Variants in DHCR24 observed in about 807,000 individuals in gnomAD.
DHCR24 encodes delta(24)-sterol reductase.
Under a neutral mutation model 61.2 loss-of-function variants are expected in DHCR24, and 28 were observed. That is an observed-to-expected ratio of 0.46 (90% CI 0.34 to 0.63). DHCR24 has a LOEUF of 0.63. DHCR24 is among the 20% of genes least tolerant of loss of function. The probability of loss-of-function intolerance (pLI) is 0.01; values close to 1 mark genes in which losing one functional copy is unlikely to be tolerated. For synonymous variants in DHCR24, 261 were observed against 275.9 expected (o/e 0.95, Z 0.54); for missense variants, 538 against 679.1 (o/e 0.79, Z 2.31).
chr1:54,868,460 ACT>A (rs1220351686), intron 5 of DHCR24, among the ~76,000 whole-genome samples: 1 of 151,846 alleles, frequency 6.6e-6, no homozygotes, highest in Non-Finnish European at 1.5e-5. Flanking sequence ...ACAGAGCGAG[ACT>A]CTGTCTCAAA....
At chr1:54,866,879 G>A (rs1161003270) in intron 5 of DHCR24, among the ~76,000 whole-genome samples, 3 of 152,198 alleles carry the variant, frequency 2.0e-5, no homozygotes, top group South Asian at 2.1e-4. Context: ...AAACACTCAC[G>A]CTGGCCTCTG....
At position 54,849,840 on chromosome 1, in the gene DHCR24, C is replaced by G. The variant is rs1646864953; in HGVS notation, c.*2393G>C. The G allele has an allele frequency of 6.5e-6, 1 of 152,674 alleles. No individual in the cohort carries two copies. The highest frequency in any genetic ancestry group is 2.4e-5 in the African/African-American group (1 of 41,442). The allele number at this position is 152,674 out of a possible 1,614,324, so 9.5% of individuals were successfully genotyped here. On this transcript the variant is annotated 3_prime_UTR_variant, in exon 9 of 9. Coordinates refer to ENST00000371269, the MANE Select transcript of DHCR24 (RefSeq NM_014762.4). ...CTCCACCCCTCCCTTTCAGTAATAT[C>G]CAAGTATTCATCCTTCTGGCCAAAG...
intron 6 of DHCR24, among the ~76,000 whole-genome samples, chr1:54,864,366 G>T (rs184033035): frequency 2.0e-5 from 3 of 152,116 alleles, no homozygotes; most frequent in Admixed American, 2.0e-4. Flanking sequence ...CTACTATCCC[G>T]CCATAAAAAG....
chr1:54,875,611 GC>G (rs1647024191), intron 3 of DHCR24, among the ~76,000 whole-genome samples: 1 of 152,106 alleles, frequency 6.6e-6, no homozygotes, highest in South Asian at 2.1e-4. Context: ...AGAAGAAGAG[GC>G]TTTGGGGGCT....
intron 2 of DHCR24, among the ~76,000 whole-genome samples, chr1:54,876,279 AT>A (rs1647027962): frequency 1.3e-5 from 2 of 152,312 alleles, no homozygotes; most frequent in South Asian, 4.1e-4. Flanking sequence ...TATACTAAAT[AT>A]TTGACTTAAC....
At chr1:54,886,525 C>G (rs1415880848) in intron 1 of DHCR24, 2 of 1,132,672 alleles carry the variant, frequency 1.8e-6, no homozygotes, top group Admixed American at 2.3e-5. Flanking sequence ...ACACCTTCCC[C>G]CAATCATTTC....
At chr1:54,856,368 G>A (rs1017753837) in intron 6 of DHCR24, among the ~76,000 whole-genome samples, 1 of 152,182 alleles carries the variant, frequency 6.6e-6, no homozygotes, top group Non-Finnish European at 1.5e-5. Context: ...GAGGCTGAGC[G>A]GGCAGATCAC....
rs1285469131 is a variant in DHCR24 at position 54,883,806 on chromosome 1, C to T, written c.232-33G>A. 1.2e-6 allele frequency: 2 copies of T among 1,613,340 alleles called. No individual in the cohort carries two copies. Among genetic ancestry groups the T allele is most frequent in the Non-Finnish European group, 1.7e-6 (2 of 1,179,996 alleles). On this transcript the variant is annotated intron_variant, in intron 1 of 8. Transcript: ENST00000371269. This position sits in a 1 kb window ranked among gnomAD's most constrained non-coding sequence, Gnocchi z 4.3. The stretch of plus-strand genomic sequence containing the variant: ...CACAGGACAGAGGGTGAGCTGGCCC[C>T]ACTGGGAATCCCCAGAGCAGCCTGC...
chr1:54,881,288 C>G (rs1190465448), intron 2 of DHCR24, among the ~76,000 whole-genome samples: 1 of 152,058 alleles, frequency 6.6e-6, no homozygotes, highest in East Asian at 1.9e-4. Flanking sequence ...CTTAAACAAA[C>G]TTACAAGAAC....
At chr1:54,873,960 G>A (rs1484977642) in intron 4 of DHCR24, among the ~76,000 whole-genome samples, 1 of 118,504 alleles carries the variant, frequency 8.4e-6, no homozygotes, top group East Asian at 2.0e-4. Context: ...TTGTGTCTAA[G>A]TTTTTAACAA....
At chr1:54,884,592 G>C (rs996333374) in intron 1 of DHCR24, among the ~76,000 whole-genome samples, 1 of 152,154 alleles carries the variant, frequency 6.6e-6, no homozygotes, top group African/African-American at 2.4e-5. Context: ...AAGTGCAGGG[G>C]GGGTGGATAT....
chr1:54,862,290 TTC>T (rs1278682107), intron 6 of DHCR24, among the ~76,000 whole-genome samples: 1 of 152,170 alleles, frequency 6.6e-6, no homozygotes, highest in African/African-American at 2.4e-5. Flanking sequence ...CAGGTTTGTT[TTC>T]ACTGTGTCCA....
At chr1:54,868,538 TA>T (rs1435478894) in intron 5 of DHCR24, among the ~76,000 whole-genome samples, 2 of 151,976 alleles carry the variant, frequency 1.3e-5, no homozygotes, top group African/African-American at 2.4e-5. Context: ...ATTAAAGTAA[TA>T]AAAAAATTGG....
intron 6 of DHCR24, among the ~76,000 whole-genome samples, chr1:54,864,564 T>C (rs1310560738): frequency 2.0e-5 from 3 of 152,186 alleles, no homozygotes; most frequent in African/African-American, 4.8e-5. Flanking sequence ...TTAATGGGTA[T>C]AGGGTTTCCT....
chr1:54,862,172 G>A (rs894165961), intron 6 of DHCR24, among the ~76,000 whole-genome samples: 2 of 151,452 alleles, frequency 1.3e-5, no homozygotes, highest in African/African-American at 2.4e-5. Flanking sequence ...TGTCATGACT[G>A]CCATCTCTCC....
At chr1:54,853,742 T>C in intron 7 of DHCR24, 130 bp from the exon 8 acceptor site, 4 of 1,091,974 alleles carry the variant, frequency 3.7e-6, no homozygotes, top group Non-Finnish European at 5.3e-6. Flanking sequence ...TGCTCTCAGC[T>C]TCACTGCCCC....
intron 6 of DHCR24, among the ~76,000 whole-genome samples, chr1:54,862,679 C>T (rs1234519950): frequency 6.6e-6 from 1 of 152,182 alleles, no homozygotes; most frequent in African/African-American, 2.4e-5. Context: ...CTCCACTGAA[C>T]TCCTGAAGTC....
chr1:54,871,376 T>C lies in DHCR24; in HGVS notation c.850A>G (p.Met284Val). The C allele has an allele frequency of 1.2e-6, 2 of 1,614,152 alleles. No individual in the cohort carries two copies. The highest frequency in any genetic ancestry group is 1.7e-6 in the Non-Finnish European group (2 of 1,180,032). The change falls in exon 5 of 9, where the codon ATG (methionine) becomes GTG (valine). Residue 284 changes from methionine (M) to valine (V), a missense_variant. Met to Val is a conservative substitution (Grantham distance 21). Transcript: ENST00000371269. ...LDEAVIMTGVMTDEAEPSKLN... is the reference protein window; with the variant it reads ...LDEAVIMTGVVTDEAEPSKLN... Reference sequence around the variant, plus strand: ...TTGCTGGGCTCTGCCTCATCTGTCATGACCCCTGTCATAATGACAGCCTCA... The same window carrying C: ...TTGCTGGGCTCTGCCTCATCTGTCACGACCCCTGTCATAATGACAGCCTCA...
chr1:54,881,386 A>G (rs1428127104), intron 2 of DHCR24, among the ~76,000 whole-genome samples: 10 of 152,234 alleles, frequency 6.6e-5, no homozygotes, highest in East Asian at 5.8e-4. Flanking sequence ...AGCATATGAA[A>G]AAAAGCTCAA....
Sources: gnomAD v4.1 joint callset for allele counts (sites outside exome capture counted in the v4.1 genomes callset) on GRCh38, gnomAD v4.1.1 for gene constraint, Gnocchi (gnomAD v3.1) non-coding constraint, MANE v1.5 for transcripts, NCBI Gene and HGNC (gene_info 2026-07-23, HGNC 2026-07-21) for gene names.